GRB2: variants seen among roughly 807,000 people sequenced by gnomAD.
GRB2 encodes growth factor receptor-bound protein 2.
A neutral mutation model predicts 27.4 loss-of-function variants in GRB2; 2 were observed. That is an observed-to-expected ratio of 0.07 (90% CI 0.03 to 0.23). The LOEUF is 0.23. Ranked by LOEUF, GRB2 falls within the 10% of genes least tolerant of loss-of-function variation. The pLI, the probability that GRB2 is intolerant of heterozygous loss-of-function variation, is 1.00. For synonymous variants in GRB2, 94 were observed against 99.6 expected, an observed-to-expected ratio of 0.94 and a Z score of 0.33; for missense variants, 102 against 282.4, an observed-to-expected ratio of 0.36 and a Z score of 4.58.
chr17:75,326,109 C>CT, intron 3 of GRB2, 89 bp from the exon 4 acceptor site: 2 of 1,488,562 alleles, frequency 1.3e-6, no homozygotes, highest in South Asian at 2.3e-5. Flanking sequence ...CACAACACTC[C>CT]TTGCCAGAGG....
intron 2 of GRB2, among the ~76,000 whole-genome samples, chr17:75,367,274 G>T (rs184769207): frequency 6.6e-6 from 1 of 152,060 alleles, no homozygotes; most frequent in Non-Finnish European, 1.5e-5. Flanking sequence ...AGACTGAAGC[G>T]ATCCTCCCAC....
intron 2 of GRB2, among the ~76,000 whole-genome samples, chr17:75,362,066 C>T (rs1366640454): frequency 6.6e-6 from 1 of 151,976 alleles, no homozygotes; most frequent in Admixed American, 6.6e-5. Flanking sequence ...CTAAGAGTAC[C>T]CACTGGCATT....
chr17:75,323,980 T>A (rs1021156241), intron 4 of GRB2, among the ~76,000 whole-genome samples: 1 of 151,800 alleles, frequency 6.6e-6, no homozygotes, highest in Non-Finnish European at 1.5e-5. Context: ...TGGCTAATTT[T>A]TGTATTTTTT....
intron 2 of GRB2, among the ~76,000 whole-genome samples, chr17:75,342,629 G>T (rs8074421): frequency 0.022 from 3,367 of 152,134 alleles, 132 homozygotes; most frequent in African/African-American, 0.076. Flanking sequence ...AGACTGCCAT[G>T]AGTTTGTTGA....
chr17:75,379,400 T>TA (rs373865766), intron 2 of GRB2, among the ~76,000 whole-genome samples: 17,751 of 73,652 alleles, frequency 0.24, 1,806 homozygotes, highest in African/African-American at 0.31. Flanking sequence ...CTTGATTTCT[T>TA]AAAAAAAAAA....
intron 2 of GRB2, among the ~76,000 whole-genome samples, chr17:75,358,780 A>T (rs1275878853): frequency 6.9e-6 from 1 of 144,706 alleles, no homozygotes; most frequent in Middle Eastern, 3.6e-3. Context: ...GCTACTCAGG[A>T]GGCTGAGGCA....
intron 2 of GRB2, among the ~76,000 whole-genome samples, chr17:75,377,797 C>T (rs1270263663): frequency 1.3e-5 from 2 of 151,818 alleles, no homozygotes; most frequent in African/African-American, 4.8e-5. Flanking sequence ...GTCCCAGCTA[C>T]TAGGGAGGCT....
At chr17:75,358,355 C>T (rs569029838) in intron 2 of GRB2, among the ~76,000 whole-genome samples, 2 of 152,216 alleles carry the variant, frequency 1.3e-5, no homozygotes, top group South Asian at 4.1e-4. Context: ...ATTCATGTTA[C>T]TAAATATCTC....
intron 2 of GRB2, among the ~76,000 whole-genome samples, chr17:75,360,852 A>C (rs894071580): frequency 6.6e-6 from 1 of 152,166 alleles, no homozygotes; most frequent in Non-Finnish European, 1.5e-5. Context: ...AGTGGCGTGA[A>C]CACAGCTCAC....
intron 2 of GRB2, among the ~76,000 whole-genome samples, chr17:75,392,084 A>C (rs746549260): frequency 7.2e-5 from 11 of 152,222 alleles, no homozygotes; most frequent in Admixed American, 2.0e-4. Context: ...TATCTACAGA[A>C]AACAGTAATC....
intron 2 of GRB2, among the ~76,000 whole-genome samples, chr17:75,358,696 C>G (rs139720742): frequency 2.3e-5 from 2 of 87,782 alleles, no homozygotes; most frequent in Non-Finnish European, 4.4e-5. Context: ...AATCCCATCT[C>G]TACTAAAAAA....
chr17:75,392,917 G>A (rs2079007629), intron 2 of GRB2, among the ~76,000 whole-genome samples: 1 of 152,182 alleles, frequency 6.6e-6, no homozygotes, highest in Admixed American at 6.5e-5. Flanking sequence ...TGCAATTAGA[G>A]TTTAATATGG....
At chr17:75,334,570 AT>A (rs1244658361) in intron 2 of GRB2, among the ~76,000 whole-genome samples, 1 of 151,908 alleles carries the variant, frequency 6.6e-6, no homozygotes, top group Non-Finnish European at 1.5e-5. Context: ...GTGAGCCACC[AT>A]GCCAGTCCTA....
intron 4 of GRB2, among the ~76,000 whole-genome samples, chr17:75,325,627 T>C (rs1462286234): frequency 2.0e-5 from 3 of 152,136 alleles, no homozygotes; most frequent in African/African-American, 7.2e-5. Flanking sequence ...AGCTCAGGAG[T>C]GCTGGGCACT....
At chr17:75,393,967 G>A in intron 1 of GRB2, 2 of 402,628 alleles carry the variant, frequency 5.0e-6, no homozygotes, top group Non-Finnish European at 4.5e-6. Context: ...AGGCCTGCCG[G>A]CCAATGGCAC....
chr17:75,393,546 C>G lies in GRB2; in HGVS notation c.78+5G>C. ...CTCAGCATTGTGCTCGGCATCAGCACTTACCTTGAGGATGTCCCCCCTTTT... is the reference window on the plus strand; with the variant it reads ...CTCAGCATTGTGCTCGGCATCAGCAGTTACCTTGAGGATGTCCCCCCTTTT... On this transcript the variant is annotated splice_donor_5th_base_variant and intron_variant, in intron 2 of 5. Transcript: ENST00000316804. 6.2e-7 allele frequency: 1 copy of G among 1,612,744 alleles called. No homozygotes were observed. The highest frequency in any genetic ancestry group is 8.5e-7 in the Non-Finnish European group (1 of 1,178,690).
rs1310836477 is a variant in GRB2, at chr17:75,318,391, C to G, written c.*1977G>C. 1 of 152,228 alleles carries G rather than the reference C, an allele frequency of 6.6e-6. No homozygotes were observed. Among genetic ancestry groups the G allele is most frequent in the Non-Finnish European group, 1.5e-5 (1 of 68,052 alleles). The allele number at this position is 152,228 out of a possible 1,614,324, so 9.4% of individuals were successfully genotyped here. On this transcript the variant is annotated 3_prime_UTR_variant, in exon 6 of 6. Transcript: ENST00000316804. The stretch of plus-strand genomic sequence containing the variant: ...CTGCCGCCTCCTGGCACAGCAAACG[C>G]TCCAGGCCTGGGCCCTGTTCATATC...
At chr17:75,401,414 C>T (rs939446325) in intron 1 of GRB2, among the ~76,000 whole-genome samples, 5 of 143,530 alleles carry the variant, frequency 3.5e-5, no homozygotes, top group Non-Finnish European at 6.0e-5. Context: ...CACTGCAGTC[C>T]GCAGTCCGGC....
chr17:75,331,945 C>T (rs923538627), intron 3 of GRB2, among the ~76,000 whole-genome samples: 1 of 152,196 alleles, frequency 6.6e-6, no homozygotes, highest in Non-Finnish European at 1.5e-5. Context: ...GTCTCCGCCA[C>T]CAGCTGCTGT....
Sources: allele counts gnomAD v4.1 joint callset (sites outside exome capture counted in the v4.1 genomes callset), GRCh38; gene constraint gnomAD v4.1.1; transcripts MANE v1.5; gene names NCBI Gene and HGNC (gene_info 2026-07-23, HGNC 2026-07-21).